The following RANBP2 variants were observed in gnomAD, a reference collection of about 807,000 sequenced individuals.
RANBP2 encodes the protein RAN binding protein 2.
In RANBP2, 57 loss-of-function variants were observed where a neutral mutation model predicts 303.6. The observed-to-expected ratio is 0.19, with a 90% CI of 0.15 to 0.23. The LOEUF (loss-of-function observed/expected upper bound fraction) is 0.23, where lower values mean the gene tolerates loss of function less well. Ranked by LOEUF, RANBP2 falls within the 10% of genes least tolerant of loss-of-function variation. The pLI is 1.00. For missense variants in RANBP2, 3,138 were observed against 3,780.8 expected (o/e 0.83, Z 4.46); for synonymous variants, 1,167 against 1,301.5 (o/e 0.90, Z 2.23).
the RANBP2 span, among the ~76,000 whole-genome samples, chr2:109,048,695 T>C: frequency 1.3e-5 from 2 of 152,218 alleles, no homozygotes; most frequent in Non-Finnish European, 2.9e-5. Flanking sequence ...CTGTTCTATA[T>C]TCCACAGACA....
At chr2:109,334,359 A>T in the RANBP2 span, among the ~76,000 whole-genome samples, 3 of 30,582 alleles carry the variant, frequency 9.8e-5, no homozygotes, top group African/African-American at 9.6e-4. Context: ...TTTTTCCTTT[A>T]AAAAAAAAAA....
At chr2:109,567,853 C>A in the RANBP2 span, 1 of 1,612,164 alleles carries the variant, frequency 6.2e-7, no homozygotes, top group Non-Finnish European at 8.5e-7. Flanking sequence ...GTGTCATCAT[C>A]CGTTGGGAAC....
chr2:109,295,727 C>T, the RANBP2 span, among the ~76,000 whole-genome samples: 1 of 152,192 alleles, frequency 6.6e-6, no homozygotes, highest in East Asian at 1.9e-4. Flanking sequence ...GGGAGGTTTA[C>T]CTGGGGAGGT....
At chr2:109,257,679 T>C in the RANBP2 span, among the ~76,000 whole-genome samples, 1 of 152,186 alleles carries the variant, frequency 6.6e-6, no homozygotes, top group Non-Finnish European at 1.5e-5. Context: ...GGGAAGCCAC[T>C]GACACGTTCA....
chr2:109,696,998 G>A, the RANBP2 span, among the ~76,000 whole-genome samples: 1 of 152,050 alleles, frequency 6.6e-6, no homozygotes, highest in Non-Finnish European at 1.5e-5. Flanking sequence ...GGCTGGTCCG[G>A]AAGTCCTGGA....
At chr2:108,989,736 G>A in the RANBP2 span, among the ~76,000 whole-genome samples, 1 of 152,032 alleles carries the variant, frequency 6.6e-6, no homozygotes, top group Non-Finnish European at 1.5e-5. Flanking sequence ...TAGGTAATTA[G>A]GAAGCCATTT....
chr2:109,518,913 A>ATTTTTTTTT, the RANBP2 span, among the ~76,000 whole-genome samples: 1 of 133,402 alleles, frequency 7.5e-6, no homozygotes, highest in Admixed American at 7.6e-5. Flanking sequence ...GGTGCTACAT[A>ATTTTTTTTT]TCTTTTTTTT....
At chr2:109,338,042 T>G in the RANBP2 span, among the ~76,000 whole-genome samples, 1 of 152,116 alleles carries the variant, frequency 6.6e-6, no homozygotes, top group Non-Finnish European at 1.5e-5. Flanking sequence ...TCCTTCTGTT[T>G]TTGATGGAGC....
At chr2:109,567,092 A>C in the RANBP2 span, among the ~76,000 whole-genome samples, 2 of 152,328 alleles carry the variant, frequency 1.3e-5, no homozygotes, top group Middle Eastern at 3.4e-3. Context: ...AATAGAAGAA[A>C]TGGAATGAAC....
the RANBP2 span, among the ~76,000 whole-genome samples, chr2:108,925,001 C>A: frequency 6.6e-6 from 1 of 152,250 alleles, no homozygotes; most frequent in South Asian, 2.1e-4. Flanking sequence ...CATCTCACCT[C>A]CTCTGTGCCT....
At chr2:109,384,669 C>T in the RANBP2 span, among the ~76,000 whole-genome samples, 3 of 152,192 alleles carry the variant, frequency 2.0e-5, no homozygotes, top group Admixed American at 6.5e-5. Flanking sequence ...CTCCTGACCA[C>T]GTCCTTGTCA....
the RANBP2 span, among the ~76,000 whole-genome samples, chr2:109,342,651 C>A: frequency 6.6e-6 from 1 of 152,328 alleles, no homozygotes; most frequent in Non-Finnish European, 1.5e-5. Context: ...TGGCACCCGC[C>A]CTTACTCAGG....
chr2:108,974,324 C>G, the RANBP2 span, among the ~76,000 whole-genome samples: 1 of 93,082 alleles, frequency 1.1e-5, no homozygotes, highest in Admixed American at 1.3e-4. Flanking sequence ...AGCGAGGATC[C>G]GTCTCAAAAA....
the RANBP2 span, among the ~76,000 whole-genome samples, chr2:109,691,135 T>C: frequency 4.8e-4 from 73 of 152,292 alleles, 1 homozygote; most frequent in South Asian, 0.013. Context: ...GTAGGAATGA[T>C]GGGAAGTGTT....
At chr2:109,250,338 A>G in the RANBP2 span, among the ~76,000 whole-genome samples, 3 of 152,152 alleles carry the variant, frequency 2.0e-5, no homozygotes, top group Non-Finnish European at 4.4e-5. Flanking sequence ...AAACATGCAC[A>G]AGCTAACAGT....
the RANBP2 span, among the ~76,000 whole-genome samples, chr2:109,120,265 T>C: frequency 7.2e-5 from 11 of 152,344 alleles, no homozygotes; most frequent in Non-Finnish European, 1.2e-4. Flanking sequence ...TGGCTTACCC[T>C]GCCAGGGGCC....
chr2:109,222,146 G>T, the RANBP2 span, among the ~76,000 whole-genome samples: 1 of 146,204 alleles, frequency 6.8e-6, no homozygotes, highest in South Asian at 2.1e-4. Context: ...GCTAAAAAAG[G>T]TGCTCGCATG....
the RANBP2 span, among the ~76,000 whole-genome samples, chr2:109,367,119 A>ATTTTTTT: frequency 1.1e-3 from 128 of 113,304 alleles, no homozygotes; most frequent in Middle Eastern, 5.1e-3. Flanking sequence ...TGCCCTGGTA[A>ATTTTTTT]TTTTTTTTTT....
At chr2:108,928,925 A>C in the RANBP2 span, among the ~76,000 whole-genome samples, 1 of 152,220 alleles carries the variant, frequency 6.6e-6, no homozygotes, top group African/African-American at 2.4e-5. Flanking sequence ...GTATTCAAGC[A>C]ATTTGTTTCC....
Sources: gnomAD v4.1 joint callset for allele counts (sites outside exome capture counted in the v4.1 genomes callset) on GRCh38, gnomAD v4.1.1 for gene constraint, MANE v1.5 for transcripts, NCBI Gene and HGNC (gene_info 2026-07-23, HGNC 2026-07-21) for gene names.